Variants in PCDH15 observed in about 807,000 individuals in gnomAD.
PCDH15 encodes the protein protocadherin-15.
In PCDH15, 129 loss-of-function variants were observed where a neutral mutation model predicts 178.5. That is an observed-to-expected ratio of 0.72 (90% confidence interval 0.63 to 0.84). The LOEUF is 0.84. Ranked by LOEUF, PCDH15 falls within the 40% of genes least tolerant of loss-of-function variation. The probability of loss-of-function intolerance (pLI) is 0.00; values close to 1 mark genes in which losing one functional copy is unlikely to be tolerated. For missense variants in PCDH15, 2,230 were observed against 2,099.9 expected, an observed-to-expected ratio of 1.06 and a Z score of -1.21; for synonymous variants, 800 against 732.0, an observed-to-expected ratio of 1.09 and a Z score of -1.50.
At chr10:53,814,697 G>A (rs555452387) in intron 35 of PCDH15, among the ~76,000 whole-genome samples, 10 of 152,238 alleles carry the variant, frequency 6.6e-5, no homozygotes, top group Admixed American at 2.6e-4. Context: ...CGGGTGCGGT[G>A]GCTCACGCCT....
rs559389372 is a variant in PCDH15, at chr10:55,104,734, T to A, written c.-80+61842A>T. On this transcript the variant is annotated intron_variant, in intron 2 of 5. Coordinates refer to the PCDH15 transcript ENST00000458638. ...TACTATCAAGCTATTCAATTTTTTC[T>A]TATAATTTCATGACTTCTTTTTTGT... Among the ~76,000 whole-genome samples the A allele has an allele frequency of 6.6e-5, 10 of 152,358 alleles. No individual in the cohort carries two copies. The South Asian group carries it at 1.7e-3, about 25-fold the overall frequency.
chr10:55,216,364 A>C (rs946471594), intron 1 of PCDH15, among the ~76,000 whole-genome samples: 1 of 151,970 alleles, frequency 6.6e-6, no homozygotes, highest in Admixed American at 6.6e-5. Flanking sequence ...CTTTAATTGT[A>C]TCTCTTTGTT....
At chr10:54,204,352 T>C (rs2050556953) in intron 10 of PCDH15, among the ~76,000 whole-genome samples, 1 of 46,402 alleles carries the variant, frequency 2.2e-5, no homozygotes, top group South Asian at 7.3e-4. Flanking sequence ...TATAAAGTGT[T>C]GCAAAAAAAA....
At chr10:55,405,087 T>A (rs1359327686) in intron 2 of PCDH15, among the ~76,000 whole-genome samples, 1 of 151,420 alleles carries the variant, frequency 6.6e-6, no homozygotes, top group East Asian at 1.9e-4. Context: ...ATTGCCACAC[T>A]ATTTTGGAAT....
intron 1 of PCDH15, among the ~76,000 whole-genome samples, chr10:54,738,049 T>C (rs550467481): frequency 1.1e-4 from 17 of 152,046 alleles, no homozygotes; most frequent in South Asian, 2.1e-4. Context: ...GGGGGTGAAC[T>C]TCACATGTTC....
intron 20 of PCDH15, among the ~76,000 whole-genome samples, chr10:53,996,716 C>G (rs933002904): frequency 6.6e-6 from 1 of 151,992 alleles, no homozygotes; most frequent in East Asian, 1.9e-4. Flanking sequence ...TGTATATAAT[C>G]TTTTGTCAAT....
intron 26 of PCDH15, among the ~76,000 whole-genome samples, chr10:53,868,687 C>T (rs555917376): frequency 6.6e-5 from 10 of 152,196 alleles, no homozygotes; most frequent in Non-Finnish European, 1.3e-4. Context: ...CTTGATTTAG[C>T]TTCAAATTCT....
intron 15 of PCDH15, among the ~76,000 whole-genome samples, chr10:54,120,045 C>G (rs999202051): frequency 6.6e-6 from 1 of 152,136 alleles, no homozygotes; most frequent in African/African-American, 2.4e-5. Context: ...ACAAAGGTAA[C>G]CCCATCAGGC....
intron 2 of PCDH15, among the ~76,000 whole-genome samples, chr10:54,977,985 A>G (rs1349464901): frequency 6.6e-6 from 1 of 152,208 alleles, no homozygotes; most frequent in African/African-American, 2.4e-5. Context: ...ATTCTTTGGG[A>G]AAGCCTCTCA....
At chr10:54,595,930 A>G (rs1348589228) in intron 2 of PCDH15, among the ~76,000 whole-genome samples, 1 of 152,178 alleles carries the variant, frequency 6.6e-6, no homozygotes, top group Non-Finnish European at 1.5e-5. Flanking sequence ...AAAGAATAAA[A>G]AGGAATGAAG....
intron 1 of PCDH15, among the ~76,000 whole-genome samples, chr10:55,291,298 C>T (rs1446213861): frequency 6.6e-6 from 1 of 152,156 alleles, no homozygotes; most frequent in Admixed American, 6.6e-5. Flanking sequence ...CCAAACATTT[C>T]ATCTCTGGTT....
intron 2 of PCDH15, among the ~76,000 whole-genome samples, chr10:55,099,347 G>A (rs748314083): frequency 6.6e-6 from 1 of 151,970 alleles, no homozygotes. Flanking sequence ...CAAAGTCAAT[G>A]CTGATTGGAG....
intron 25 of PCDH15, among the ~76,000 whole-genome samples, chr10:53,935,703 G>A (rs180735183): frequency 3.3e-5 from 5 of 152,242 alleles, no homozygotes; most frequent in Admixed American, 1.3e-4. Context: ...TTTTGAGTAT[G>A]ATAGTGAATC....
intron 20 of PCDH15, among the ~76,000 whole-genome samples, chr10:54,018,580 A>G (rs998120445): frequency 2.0e-5 from 3 of 152,126 alleles, no homozygotes; most frequent in African/African-American, 4.8e-5. Flanking sequence ...AGTTATCTGC[A>G]TGATCTCCAG....
rs1383194902 is a variant in PCDH15, at chr10:54,717,951, G to C, written c.-28-53661C>G. Reference sequence around the variant, plus strand: ...CAGCCATAAAAAATGATGAGTTCATGTCCTTTGTAGGGACACGGATGAAAT... The same window carrying C: ...CAGCCATAAAAAATGATGAGTTCATCTCCTTTGTAGGGACACGGATGAAAT... On this transcript the variant is annotated intron_variant, in intron 1 of 37. Coordinates refer to ENST00000644397, the MANE Select transcript of PCDH15 (RefSeq NM_001384140.1). Among the ~76,000 whole-genome samples, 6 of 146,456 alleles carry C rather than the reference G, an allele frequency of 4.1e-5. 1 individual carries two copies. Among genetic ancestry groups the C allele is most frequent in the Non-Finnish European group, 9.0e-5 (6 of 66,778 alleles).
At chr10:54,342,265 G>A (rs1942378178) in intron 6 of PCDH15, among the ~76,000 whole-genome samples, 1 of 152,168 alleles carries the variant, frequency 6.6e-6, no homozygotes, top group Non-Finnish European at 1.5e-5. Flanking sequence ...TCTGAGCTGG[G>A]ACCAGGGCCC....
intron 1 of PCDH15, among the ~76,000 whole-genome samples, chr10:54,729,846 T>C (rs908695196): frequency 6.6e-6 from 1 of 151,446 alleles, no homozygotes; most frequent in Admixed American, 6.6e-5. Flanking sequence ...AAAACCACAA[T>C]GAGATAGTAT....
intron 3 of PCDH15, among the ~76,000 whole-genome samples, chr10:54,449,894 T>C (rs1335487183): frequency 6.6e-6 from 1 of 151,516 alleles, no homozygotes; most frequent in Non-Finnish European, 1.5e-5. Context: ...GAGACAAACA[T>C]ACATAGAAGC....
intron 37 of PCDH15, chr10:53,808,732 G>GACTT: frequency 1.2e-6 from 2 of 1,612,900 alleles, no homozygotes; most frequent in Non-Finnish European, 1.7e-6. Context: ...TGCTCCTGGC[G>GACTT]ACTTCTTTTG....
Sources: allele counts gnomAD v4.1 joint callset (sites outside exome capture counted in the v4.1 genomes callset), GRCh38; gene constraint gnomAD v4.1.1; transcripts MANE v1.5; gene names NCBI Gene and HGNC (gene_info 2026-07-23, HGNC 2026-07-21).